The following UGT1A5 variants were observed in gnomAD, a reference collection of about 807,000 sequenced individuals.
The protein encoded by UGT1A5 is UDP-glucuronosyltransferase 1A5.
Under a neutral mutation model 40.3 loss-of-function variants are expected in UGT1A5, and 29 were observed. The ratio of observed to expected loss-of-function variants is 0.72; its 90% CI spans 0.54 to 0.98. The LOEUF is 0.98. Among genes scored for constraint, UGT1A5 ranks in the 50% least tolerant of loss-of-function variants. The probability of loss-of-function intolerance (pLI) is 0.00; values close to 1 mark genes in which losing one functional copy is unlikely to be tolerated. For synonymous variants in UGT1A5, 257 were observed against 262.5 expected, an observed-to-expected ratio of 0.98 and a Z score of 0.20; for missense variants, 678 against 677.9, an observed-to-expected ratio of 1.00 and a Z score of 0.00.
chr2:233,772,888 G>C lies in UGT1A5; in HGVS notation c.*329G>C. 3.7e-6 allele frequency: 2 copies of C among 534,950 alleles called. No individual in the cohort carries two copies. Among genetic ancestry groups the C allele is most frequent in the Admixed American group, 3.7e-5 (1 of 26,668 alleles). The allele number at this position is 534,950 out of a possible 1,614,324, so 33.1% of individuals were successfully genotyped here. ...CTGTTTGGGAGTGCGGGATTCAAAGGTGGTCCCACGGCTGCCCCTACTGCA... is the reference window on the plus strand; with the variant it reads ...CTGTTTGGGAGTGCGGGATTCAAAGCTGGTCCCACGGCTGCCCCTACTGCA... On this transcript the variant is annotated 3_prime_UTR_variant, in exon 5 of 5. Coordinates refer to ENST00000373414, the MANE Select transcript of UGT1A5 (RefSeq NM_019078.2).
intron 1 of UGT1A5, among the ~76,000 whole-genome samples, chr2:233,749,044 C>T (rs1240324138): frequency 6.6e-6 from 1 of 151,716 alleles, no homozygotes. Context: ...TGATGTGGTA[C>T]TCTGGGACCT....
chr2:233,772,626 A>T lies in UGT1A5; in HGVS notation c.*67A>T. On this transcript the variant is annotated 3_prime_UTR_variant, in exon 5 of 5. Coordinates refer to ENST00000373414, the MANE Select transcript of UGT1A5 (RefSeq NM_019078.2). ...AGTCATTTCCAAACTTGAAAACAGA[A>T]TCAGTGTTAAATTCATTTTATTCTT... The T allele has an allele frequency of 3.8e-6, 6 of 1,561,972 alleles. No homozygotes were observed. Among genetic ancestry groups the T allele is most frequent in the Non-Finnish European group, 5.2e-6 (6 of 1,152,668 alleles).
intron 1 of UGT1A5, among the ~76,000 whole-genome samples, chr2:233,759,123 C>G (rs1197152658): frequency 6.6e-6 from 1 of 152,198 alleles, no homozygotes; most frequent in East Asian, 1.9e-4. Flanking sequence ...GAGTTACAGC[C>G]TCTGGTACGC....
chr2:233,748,016 G>A (rs1039251990), intron 1 of UGT1A5: 59 of 1,613,480 alleles, frequency 3.7e-5, no homozygotes, highest in Middle Eastern at 1.7e-4. Flanking sequence ...ACCCCAGGCC[G>A]ATCATGCCCA....
chr2:233,742,496 A>G (rs376180640), intron 1 of UGT1A5, among the ~76,000 whole-genome samples: 4 of 151,946 alleles, frequency 2.6e-5, no homozygotes, highest in Admixed American at 1.3e-4. Context: ...CATAGGCATC[A>G]TGGCTATCAT....
chr2:233,721,761 G>A, intron 1 of UGT1A5: 1 of 472,552 alleles, frequency 2.1e-6, no homozygotes. Flanking sequence ...CATCTAAATT[G>A]TTATATTTAG....
At chr2:233,743,050 C>T (rs577515653) in intron 1 of UGT1A5, 59 of 318,104 alleles carry the variant, frequency 1.9e-4, no homozygotes, top group South Asian at 1.5e-3. Flanking sequence ...CCGTGTAGTC[C>T]CAACGATAAG....
chr2:233,761,175 ACATG>A lies in UGT1A5; in HGVS notation c.868-5857_868-5854del, dbSNP rs768058244. The A allele has an allele frequency of 9.3e-6, 15 of 1,614,212 alleles. No homozygotes were observed. In the African/African-American group the frequency reaches 1.9e-4, roughly 20 times the overall value. On this transcript the variant is annotated intron_variant, in intron 1 of 4. Coordinates refer to ENST00000373414, the MANE Select transcript of UGT1A5 (RefSeq NM_019078.2). ...AGGTGTGTATTGGAGTGGGACTTTT[ACATG>A]CGTATATTCTTTCAGATGTATTACT... is the stretch of plus-strand genomic sequence containing the variant.
intron 1 of UGT1A5, among the ~76,000 whole-genome samples, chr2:233,761,626 A>C (rs1697818460): frequency 6.6e-6 from 1 of 152,238 alleles, no homozygotes; most frequent in Non-Finnish European, 1.5e-5. Flanking sequence ...TAAGAAGCTA[A>C]ATCCTGCAGT....
At chr2:233,726,567 G>A (rs142621262) in intron 1 of UGT1A5, among the ~76,000 whole-genome samples, 285 of 152,062 alleles carry the variant, frequency 1.9e-3, no homozygotes, top group African/African-American at 5.9e-3. Context: ...CCACTCTTAC[G>A]CCTGTCTCCT....
chr2:233,743,520 G>A (rs759007678), intron 1 of UGT1A5: 1 of 1,367,248 alleles, frequency 7.3e-7, no homozygotes, highest in Non-Finnish European at 9.8e-7. Flanking sequence ...CTCTGCTTCT[G>A]CTTCCCCAGC....
At position 233,772,345 on chromosome 2, in the gene UGT1A5, A is replaced by G. The variant is rs72551358; in HGVS notation, c.1391A>G (p.Glu464Gly). 4 of 1,614,196 alleles carry G rather than the reference A, an allele frequency of 2.5e-6. No homozygotes were observed. The highest frequency in any genetic ancestry group is 3.4e-6 in the Non-Finnish European group (4 of 1,180,040). The change falls in exon 5 of 5, where the codon GAG becomes GGG. Residue 464 changes from glutamate (E) to glycine (G), a missense_variant. Glu to Gly is a moderately conservative substitution (Grantham distance 98, BLOSUM62 -2). Transcript: ENST00000373414. ...CTGGACCTGGCCGTGTTCTGGGTGG[A>G]GTTTGTGATGAGGCACAAGGGCGCG... The part of the protein sequence containing the change: ...EPLDLAVFWV[E>G]FVMRHKGAPH...
intron 1 of UGT1A5, among the ~76,000 whole-genome samples, chr2:233,730,506 A>G (rs2078042097): frequency 6.6e-6 from 1 of 152,128 alleles, no homozygotes; most frequent in Non-Finnish European, 1.5e-5. Flanking sequence ...AGAGAGGTTG[A>G]CTCAGTGGAA....
At chr2:233,752,443 A>C (rs2125915696) in intron 1 of UGT1A5, 1 of 152,338 alleles carries the variant, frequency 6.6e-6, no homozygotes, top group Non-Finnish European at 1.5e-5. Flanking sequence ...CTTTTATAAA[A>C]GATGAATACC....
intron 1 of UGT1A5, among the ~76,000 whole-genome samples, chr2:233,758,201 G>A (rs1696819770): frequency 6.6e-6 from 1 of 152,182 alleles, no homozygotes; most frequent in African/African-American, 2.4e-5. Flanking sequence ...GCTTAGTAGT[G>A]GTTCTCTGTT....
chr2:233,732,449 C>T (rs1329295368), intron 1 of UGT1A5, among the ~76,000 whole-genome samples: 2 of 152,220 alleles, frequency 1.3e-5, no homozygotes, highest in Admixed American at 1.3e-4. Flanking sequence ...TTAGGTCTAA[C>T]ATTTGAGTCT....
rs753125541 is a variant in UGT1A5, at chr2:233,729,452, A to C, written c.867+15594A>C. The C allele has an allele frequency of 1.4e-5, 23 of 1,614,030 alleles. No individual in the cohort carries two copies. The highest frequency in any genetic ancestry group is 1.7e-4 in the Middle Eastern group (1 of 6,060). On this transcript the variant is annotated intron_variant, in intron 1 of 4. Transcript: ENST00000373414. ...TTTGAAACAGAACATTTTCTGAAGA[A>C]ATTTTTCAGAAGTATGGCAATGTTG...
At chr2:233,722,848 T>C (rs1217979615) in intron 1 of UGT1A5, among the ~76,000 whole-genome samples, 1 of 128,186 alleles carries the variant, frequency 7.8e-6, no homozygotes, top group Non-Finnish European at 1.7e-5. Flanking sequence ...AATGTTTCTT[T>C]TTTTTTTTTT....
intron 1 of UGT1A5, among the ~76,000 whole-genome samples, chr2:233,714,489 G>A (rs1410675106): frequency 1.3e-5 from 2 of 152,138 alleles, no homozygotes; most frequent in East Asian, 3.9e-4. Flanking sequence ...TTCTTGTGAA[G>A]ACACTACTTA....
Sources: allele counts gnomAD v4.1 joint callset (sites outside exome capture counted in the v4.1 genomes callset), GRCh38; gene constraint gnomAD v4.1.1; transcripts MANE v1.5; gene names NCBI Gene and HGNC (gene_info 2026-07-23, HGNC 2026-07-21).